The following SLC1A7 variants were observed in gnomAD, a reference collection of about 807,000 sequenced individuals.
SLC1A7 encodes excitatory amino acid transporter 5.
A neutral mutation model predicts 47.7 loss-of-function variants in SLC1A7; 40 were observed. That is an observed-to-expected ratio of 0.84 (90% CI 0.65 to 1.09). SLC1A7 has a LOEUF of 1.09. Among genes scored for constraint, SLC1A7 ranks in the 50% least tolerant of loss-of-function variants. The pLI is 0.00. For synonymous variants in SLC1A7, 323 were observed against 325.6 expected, an observed-to-expected ratio of 0.99 and a Z score of 0.09; for missense variants, 746 against 769.5, an observed-to-expected ratio of 0.97 and a Z score of 0.36.
chr1:53,090,198 C>A, intron 8 of SLC1A7: 1 of 580,908 alleles, frequency 1.7e-6, no homozygotes, highest in Non-Finnish European at 3.1e-6. Flanking sequence ...TCTGTGGGTT[C>A]CAGGAAGCTA....
Position 53,113,899 on chromosome 1 carries a change from C to T in SLC1A7, c.431+859G>A, listed in dbSNP as rs576948320. Reference sequence around the variant, plus strand: ...ACGGTTCCCTGCAGCTCAGGACCTTCGCACAGCTATCGCCCCCAGGCCTGC... The same window carrying T: ...ACGGTTCCCTGCAGCTCAGGACCTTTGCACAGCTATCGCCCCCAGGCCTGC... On this transcript the variant is annotated intron_variant, in intron 3 of 10. Transcript: ENST00000371494. Among the ~76,000 whole-genome samples, 5 of 152,206 alleles carry T rather than the reference C, an allele frequency of 3.3e-5. No homozygotes were observed. In the South Asian group the frequency reaches 1.0e-3, roughly 32 times the overall value.
At chr1:53,130,603 G>T (rs1470029880) in intron 2 of SLC1A7, among the ~76,000 whole-genome samples, 1 of 152,010 alleles carries the variant, frequency 6.6e-6, no homozygotes, top group Admixed American at 6.6e-5. Context: ...ACAGCCTCCT[G>T]CTGGGCTCCT....
At chr1:53,093,607 C>T (rs779144500) in intron 5 of SLC1A7, 47 bp from the exon 6 acceptor site, 1 of 1,457,056 alleles carries the variant, frequency 6.9e-7, no homozygotes, top group South Asian at 1.2e-5. Context: ...GACAGACCCA[C>T]AGGCCCACAT....
intron 2 of SLC1A7, chr1:53,115,973 A>AATGCTT (rs1644756435): frequency 2.0e-5 from 3 of 152,144 alleles, no homozygotes; most frequent in African/African-American, 7.2e-5. Flanking sequence ...TAATTAAGGA[A>AATGCTT]ATGCTTGTGC....
intron 2 of SLC1A7, among the ~76,000 whole-genome samples, 168 bp downstream of exon 2, chr1:53,134,182 T>C (rs565120726): frequency 6.6e-6 from 1 of 152,262 alleles, no homozygotes; most frequent in South Asian, 2.1e-4. Context: ...GGCCACTGAA[T>C]GACTCAGAAG....
chr1:53,092,130 G>A (rs1644428637), intron 7 of SLC1A7, among the ~76,000 whole-genome samples: 1 of 152,264 alleles, frequency 6.6e-6, no homozygotes, highest in Admixed American at 6.5e-5. Context: ...TAGGGACACT[G>A]CCAAGGTTGT....
chr1:53,097,251 T>A (rs1644505507), intron 5 of SLC1A7, among the ~76,000 whole-genome samples: 1 of 102,258 alleles, frequency 9.8e-6, no homozygotes, highest in African/African-American at 3.6e-5. Context: ...CACTCATTTT[T>A]TCTCGGTACA....
Position 53,103,547 on chromosome 1 carries a change from C to T in SLC1A7, c.496G>A (p.Val166Ile), listed in dbSNP as rs371840729. 3.2e-5 allele frequency: 52 copies of T among 1,603,402 alleles called. No individual in the cohort carries two copies. The highest frequency in any genetic ancestry group is 3.9e-5 in the Non-Finnish European group (46 of 1,174,224). Residue 166 changes from valine (V) to isoleucine (I), a missense_variant, in exon 5 of 11, where the codon GTT (valine) becomes ATT (isoleucine). By Grantham distance (29) the Val-to-Ile change is conservative (BLOSUM62 3). Transcript: ENST00000371494. ...GGTGCCACCTTGGGGGACTTGACAA[C>T]TGGGGTGGTCTTGGTGCGGTACTGG... ...FKQYRTKTTPVVKSPKVAPEE... is the reference protein window; with the variant it reads ...FKQYRTKTTPIVKSPKVAPEE...
chr1:53,120,599 A>G (rs570462222), intron 2 of SLC1A7, among the ~76,000 whole-genome samples: 1 of 152,172 alleles, frequency 6.6e-6, no homozygotes, highest in South Asian at 2.1e-4. Context: ...CCCTGGCCCA[A>G]TGTCCCCAAC....
At chr1:53,134,927 GTC>G (rs1033132542) in intron 1 of SLC1A7, among the ~76,000 whole-genome samples, 1 of 150,664 alleles carries the variant, frequency 6.6e-6, no homozygotes, top group African/African-American at 2.5e-5. Context: ...TGTGAATGTG[GTC>G]TCTCTTAAAA....
At chr1:53,089,684 G>A (rs891238532) in intron 9 of SLC1A7, 116 bp downstream of exon 9, 26 of 1,083,880 alleles carry the variant, frequency 2.4e-5, no homozygotes, top group African/African-American at 2.4e-4. Context: ...AGTGCCAAGC[G>A]GGGCAGTCCC....
Position 53,089,902 on chromosome 1 carries a change from G to T in SLC1A7, c.1259C>A (p.Ala420Asp), listed in dbSNP as rs748735189. Residue 420 changes from alanine to aspartate, a missense_variant, in exon 9 of 11, where the codon GCT becomes GAT. Coordinates refer to ENST00000371494, the MANE Select transcript of SLC1A7 (RefSeq NM_006671.6). The part of the protein sequence containing the change: ...ITATAASIGA[A>D]GIPQAGLVTM... ...GACGAGGCCGGCCTGGGGGATGCCA[G>T]CTGCCCCAATGCTGGCTGCAGTGGC... 1 of 1,613,638 alleles carries T rather than the reference G, an allele frequency of 6.2e-7. No individual in the cohort carries two copies. Among genetic ancestry groups the T allele is most frequent in the Non-Finnish European group, 8.5e-7 (1 of 1,179,980 alleles).
At chr1:53,101,123 T>C (rs12757824) in intron 5 of SLC1A7, among the ~76,000 whole-genome samples, 30,963 of 144,598 alleles carry the variant, frequency 0.21, 3,294 homozygotes, top group Middle Eastern at 0.31. Context: ...TCACACACAC[T>C]GCCGCAGTAC....
At chr1:53,109,798 G>A (rs575500095) in intron 3 of SLC1A7, among the ~76,000 whole-genome samples, 27 of 152,300 alleles carry the variant, frequency 1.8e-4, no homozygotes, top group African/African-American at 5.5e-4. Flanking sequence ...TTGTCCGTCT[G>A]TCCTAAGATG....
rs768602955 is a variant in SLC1A7, at chr1:53,092,587, T to C, written c.998A>G (p.Gln333Arg). ...GGTGGCCAGCGCGATGAGCAGAGCC[T>C]GCAGGATGCCACGGATGAAGACGAT... ...NPIVFIRGIL[Q>R]ALLIALATSS... Residue 333 changes from glutamine (Q) to arginine (R), a missense_variant, in exon 7 of 11, where the codon CAG (glutamine) becomes CGG (arginine). Transcript: ENST00000371494. The C allele has an allele frequency of 1.2e-6, 2 of 1,614,126 alleles. No individual in the cohort carries two copies.
In SLC1A7 at chr1:53,125,864, C is replaced by T. The variant is rs185880623; in HGVS notation, c.215+8486G>A. Among the ~76,000 whole-genome samples the T allele has an allele frequency of 5.9e-5, 9 of 152,324 alleles. 1 individual carries two copies. The highest frequency in any genetic ancestry group is 5.9e-4 in the Admixed American group (9 of 15,310). ...GCTCTGTTTACACCAGAAGCTTCCA[C>T]TGAATGAAATAAGCTGACTGTGGCC... On this transcript the variant is annotated intron_variant, in intron 2 of 10. Transcript: ENST00000371494.
intron 2 of SLC1A7, chr1:53,116,249 G>A (rs1644759742): frequency 6.6e-6 from 1 of 152,288 alleles, no homozygotes; most frequent in Non-Finnish European, 1.5e-5. Context: ...CACACTTTGA[G>A]CATCCCCTCT....
intron 6 of SLC1A7, 105 bp from the exon 7 acceptor site, chr1:53,092,892 C>T (rs1171177563): frequency 1.5e-6 from 1 of 682,138 alleles, no homozygotes; most frequent in South Asian, 1.7e-5. Flanking sequence ...CCTGGGGCTC[C>T]TGCGAGGACA....
intron 2 of SLC1A7, among the ~76,000 whole-genome samples, chr1:53,131,208 T>C (rs1461276118): frequency 2.6e-5 from 4 of 152,204 alleles, no homozygotes; most frequent in African/African-American, 4.8e-5. Context: ...GGTGGAGAGC[T>C]GGACGGGCCT....
Sources: gnomAD v4.1 joint callset for allele counts (sites outside exome capture counted in the v4.1 genomes callset) on GRCh38, gnomAD v4.1.1 for gene constraint, MANE v1.5 for transcripts, NCBI Gene and HGNC (gene_info 2026-07-23, HGNC 2026-07-21) for gene names.